The following DLG2 variants were observed in gnomAD, a reference collection of about 807,000 sequenced individuals.
DLG2 encodes the protein disks large homolog 2.
A neutral mutation model predicts 132.5 loss-of-function variants in DLG2; 45 were observed. That is an observed-to-expected ratio of 0.34 (90% CI 0.27 to 0.44). DLG2 has a LOEUF of 0.44. Among genes scored for constraint, DLG2 ranks in the 20% least tolerant of loss-of-function variants. The pLI, the probability that DLG2 is intolerant of heterozygous loss-of-function variation, is 1.00. For synonymous variants in DLG2, 424 were observed against 419.6 expected, an observed-to-expected ratio of 1.01 and a Z score of -0.13; for missense variants, 1,045 against 1,196.9, an observed-to-expected ratio of 0.87 and a Z score of 1.87.
At chr11:85,379,623 T>A (rs1404228089) in intron 3 of DLG2, among the ~76,000 whole-genome samples, 2 of 152,194 alleles carry the variant, frequency 1.3e-5, no homozygotes, top group Non-Finnish European at 2.9e-5. Flanking sequence ...ATTAATGTTA[T>A]AAAGTCAACT....
chr11:83,544,503 A>T (rs2096182304), intron 19 of DLG2, among the ~76,000 whole-genome samples: 1 of 152,062 alleles, frequency 6.6e-6, no homozygotes, highest in African/African-American at 2.4e-5. Context: ...CTAACTCCAG[A>T]ATATATAGCT....
At chr11:85,155,945 A>C (rs562026586) in intron 4 of DLG2, among the ~76,000 whole-genome samples, 1 of 152,080 alleles carries the variant, frequency 6.6e-6, no homozygotes, top group Non-Finnish European at 1.5e-5. Context: ...ACAGCTCCCA[A>C]ATGGTTTTTG....
chr11:84,508,915 A>G (rs2099249789), intron 7 of DLG2, among the ~76,000 whole-genome samples: 1 of 152,210 alleles, frequency 6.6e-6, no homozygotes. Context: ...ACACAGGAAT[A>G]TGGACTATAT....
At chr11:84,519,944 G>C (rs1341318704) in intron 7 of DLG2, among the ~76,000 whole-genome samples, 1 of 152,050 alleles carries the variant, frequency 6.6e-6, no homozygotes, top group Non-Finnish European at 1.5e-5. Flanking sequence ...TTTTATCTAG[G>C]GAAAGGGGTC....
chr11:84,527,931 CTCTCG>C (rs2099326662), intron 7 of DLG2, among the ~76,000 whole-genome samples: 1 of 150,944 alleles, frequency 6.6e-6, no homozygotes, highest in South Asian at 2.1e-4. Context: ...CTCTCTCTCT[CTCTCG>C]CTAATAAATA....
chr11:85,001,367 G>A lies in DLG2; in HGVS notation c.357+110294C>T, dbSNP rs571184740. ...AGAGCTTGAATAAACCACATTAACA[G>A]ATATATTATCTTAGAGAGGTAACCC... On this transcript the variant is annotated intron_variant, in intron 6 of 27. Coordinates refer to ENST00000376104, the MANE Select transcript of DLG2 (RefSeq NM_001142699.3). 7.9e-5 allele frequency among the ~76,000 whole-genome samples: 12 copies of A among 152,234 alleles called. No individual in the cohort carries two copies. In the East Asian group the frequency reaches 2.1e-3, roughly 27 times the overall value.
At chr11:85,517,756 T>C (rs557863810) in intron 3 of DLG2, among the ~76,000 whole-genome samples, 1 of 152,190 alleles carries the variant, frequency 6.6e-6, no homozygotes, top group African/African-American at 2.4e-5. Context: ...CATGCCACCA[T>C]ACCTGGTGAC....
At chr11:85,130,176 G>C (rs1166145960) in intron 5 of DLG2, among the ~76,000 whole-genome samples, 1 of 152,080 alleles carries the variant, frequency 6.6e-6, no homozygotes, top group African/African-American at 2.4e-5. Flanking sequence ...TACACATTCT[G>C]CACATGTATC....
intron 21 of DLG2, among the ~76,000 whole-genome samples, chr11:83,526,813 C>T (rs1308330444): frequency 6.6e-6 from 1 of 152,088 alleles, no homozygotes; most frequent in Non-Finnish European, 1.5e-5. Flanking sequence ...TCCCTATTTT[C>T]CTAATCCTTC....
chr11:84,653,762 G>A (rs2099684856), intron 6 of DLG2, among the ~76,000 whole-genome samples: 1 of 152,160 alleles, frequency 6.6e-6, no homozygotes. Context: ...TCAGGAAAAT[G>A]TCTCCTGCTC....
chr11:83,485,952 A>G (rs777911932), intron 21 of DLG2, among the ~76,000 whole-genome samples: 2 of 152,102 alleles, frequency 1.3e-5, no homozygotes, highest in Non-Finnish European at 2.9e-5. Flanking sequence ...AAAATAATGA[A>G]CCAAATAATT....
intron 7 of DLG2, among the ~76,000 whole-genome samples, chr11:84,294,726 G>A (rs2098064522): frequency 1.3e-5 from 2 of 152,300 alleles, no homozygotes; most frequent in East Asian, 3.9e-4. Flanking sequence ...TATCTTCTGT[G>A]TTAGGTAGGT....
At position 84,522,861 on chromosome 11, in the gene DLG2, T is replaced by G. The variant is rs578081720; in HGVS notation, c.519+11709A>C. ...ACATCCTGATTATCTTTAAAGGTTA[T>G]GCATATGTTCCAATATCTTCCATCA... On this transcript the variant is annotated intron_variant, in intron 7 of 27. Coordinates refer to ENST00000376104, the MANE Select transcript of DLG2 (RefSeq NM_001142699.3). Among the ~76,000 whole-genome samples, 11 of 152,344 alleles carry G rather than the reference T, an allele frequency of 7.2e-5. No individual in the cohort carries two copies. The East Asian group carries it at 2.1e-3, about 29-fold the overall frequency.
intron 7 of DLG2, among the ~76,000 whole-genome samples, chr11:84,430,056 T>C (rs2154472536): frequency 6.6e-6 from 1 of 152,238 alleles, no homozygotes; most frequent in Admixed American, 6.5e-5. Flanking sequence ...AGGCTGTAGA[T>C]TCAGTAAACC....
chr11:85,141,034 T>A (rs1292342697), intron 5 of DLG2, among the ~76,000 whole-genome samples: 1 of 151,792 alleles, frequency 6.6e-6, no homozygotes, highest in Non-Finnish European at 1.5e-5. Flanking sequence ...AATACAGGAG[T>A]GTAGGTATCT....
intron 14 of DLG2, among the ~76,000 whole-genome samples, chr11:83,958,908 C>G (rs1414639951): frequency 1.3e-5 from 2 of 152,156 alleles, no homozygotes; most frequent in Non-Finnish European, 2.9e-5. Flanking sequence ...CAACAAATCA[C>G]TCTGGGCCCT....
chr11:85,373,190 G>C (rs1417433677), intron 3 of DLG2, among the ~76,000 whole-genome samples: 1 of 151,976 alleles, frequency 6.6e-6, no homozygotes, highest in Non-Finnish European at 1.5e-5. Flanking sequence ...TCGGACTTTT[G>C]GCTTCCCTCT....
intron 6 of DLG2, among the ~76,000 whole-genome samples, chr11:84,592,814 C>T (rs563108429): frequency 6.6e-6 from 1 of 150,900 alleles, no homozygotes; most frequent in Non-Finnish European, 1.5e-5. Flanking sequence ...AGTCAGGAAA[C>T]AGGCCAGTAA....
At chr11:84,014,352 T>C (rs1029049169) in intron 11 of DLG2, among the ~76,000 whole-genome samples, 3 of 152,178 alleles carry the variant, frequency 2.0e-5, no homozygotes, top group African/African-American at 7.2e-5. Flanking sequence ...TGGACACTCA[T>C]ATTACTTTCC....
Sources: allele counts gnomAD v4.1 joint callset (sites outside exome capture counted in the v4.1 genomes callset), GRCh38; gene constraint gnomAD v4.1.1; transcripts MANE v1.5; gene names NCBI Gene and HGNC (gene_info 2026-07-23, HGNC 2026-07-21).